PTPN21: variants seen among roughly 807,000 people sequenced by gnomAD.
PTPN21 encodes protein tyrosine phosphatase non-receptor type 21, also known as tyrosine-protein phosphatase non-receptor type 21.
PTPN21 carries 77 observed loss-of-function variants against 131.8 expected under a neutral mutation model. That is an observed-to-expected ratio of 0.58 (90% CI 0.49 to 0.71). The LOEUF (loss-of-function observed/expected upper bound fraction) is 0.71. PTPN21 is among the 30% of genes least tolerant of loss of function. The pLI is 0.00. For missense variants in PTPN21, 1,552 were observed against 1,527.1 expected, an observed-to-expected ratio of 1.02 and a Z score of -0.27; for synonymous variants, 715 against 621.3, an observed-to-expected ratio of 1.15 and a Z score of -2.24.
rs182088913 is a variant in PTPN21, at chr14:88,535,353, C to T, written c.180+14885G>A. Among the ~76,000 whole-genome samples the T allele has an allele frequency of 4.4e-4, 67 of 152,224 alleles. No individual in the cohort carries two copies. In the East Asian group the frequency reaches 9.6e-3, roughly 22 times the overall value. ...AAGTGACACATGGCTGTATTTCCCC[C>T]GGGTGACAATGCCTGAGATTCCAAT... is the stretch of plus-strand genomic sequence containing the variant. On this transcript the variant is annotated intron_variant, in intron 2 of 18. Transcript: ENST00000556564.
At position 88,482,897 on chromosome 14, in the gene PTPN21, GCA is replaced by G. The variant is rs916016098; in HGVS notation, c.1078+2177_1078+2178del. ...GGCGGGTAACCAGCAAGCAGAAGCA[GCA>G]CACAGAGAGTACTCTTATAAGTCAG... On this transcript the variant is annotated intron_variant, in intron 12 of 18. Transcript: ENST00000556564. Among the ~76,000 whole-genome samples the G allele has an allele frequency of 2.6e-5, 4 of 151,686 alleles. No homozygotes were observed. The East Asian group carries it at 5.9e-4, about 23-fold the overall frequency.
intron 15 of PTPN21, among the ~76,000 whole-genome samples, chr14:88,471,011 G>A (rs1031695565): frequency 5.9e-5 from 9 of 152,120 alleles, no homozygotes; most frequent in African/African-American, 2.2e-4. Context: ...CAGAACTACA[G>A]TATCATTCAT....
intron 3 of PTPN21, chr14:88,512,603 A>C (rs1442123466): frequency 6.6e-6 from 1 of 152,242 alleles, no homozygotes; most frequent in East Asian, 1.9e-4. Flanking sequence ...CATTAGATTT[A>C]GAGCAGCACT....
Position 88,472,304 on chromosome 14 carries a change from T to G in PTPN21, c.2811A>C (p.Arg937Ser). 1 of 1,613,954 alleles carries G rather than the reference T, an allele frequency of 6.2e-7. No homozygotes were observed. The highest frequency in any genetic ancestry group is 8.5e-7 in the Non-Finnish European group (1 of 1,179,862). The part of the protein sequence containing the change: ...FQDVLPYDDV[R>S]VELVPTKENN... ...TTTCTTTAGTTGGGACCAACTCCAC[T>G]CTCACATCATCATAAGGAAGAACAT... Residue 937 changes from arginine to serine, a missense_variant, in exon 15 of 19, where the codon AGA (arginine) becomes AGC (serine). By Grantham distance (110) the Arg-to-Ser change is moderately radical. Around this residue, in one of 4 missense-constraint regions of PTPN21, gnomAD observed 316 missense variants for 378.5 expected, o/e 0.83. Coordinates refer to ENST00000556564, the MANE Select transcript of PTPN21 (RefSeq NM_007039.4).
chr14:88,467,078 C>T lies in PTPN21; in HGVS notation c.*1059G>A, dbSNP rs942003311. On this transcript the variant is annotated 3_prime_UTR_variant, in exon 19 of 19. Transcript: ENST00000556564. ...GGGTCCCCTGCTCGCCATCCCAGCA[C>T]CTCAGTCTGAGTATAGATAATACTG... 1 of 152,164 alleles carries T rather than the reference C, an allele frequency of 6.6e-6. No homozygotes were observed. The highest frequency in any genetic ancestry group is 1.5e-5 in the Non-Finnish European group (1 of 68,032). 9.4% of individuals were successfully genotyped at this position (152,164 alleles called of 1,614,324 possible). A position where few individuals can be genotyped will look rare whatever the true frequency, so the allele number is the denominator to read the frequency against.
At chr14:88,485,039 T>C in intron 12 of PTPN21, 37 bp downstream of exon 12, 3 of 1,503,476 alleles carry the variant, frequency 2.0e-6, no homozygotes, top group Non-Finnish European at 1.9e-6. Context: ...TCCATAGTCA[T>C]AACTATGTAA....
At position 88,497,212 on chromosome 14, in the gene PTPN21, T is replaced by C. The variant is rs377218652; in HGVS notation, c.843A>G (p.Gln281=). 53 of 1,605,650 alleles carry C rather than the reference T, an allele frequency of 3.3e-5. No individual in the cohort carries two copies. The highest frequency in any genetic ancestry group is 6.7e-5 in the African/African-American group (5 of 74,822). The part of the protein sequence containing the change: ...LELANKEETI[Q]FQTEDMETAK... The stretch of plus-strand genomic sequence containing the variant: ...CCTAATGTTTACTCACAGTTTGAAA[T>C]TGAATGGTCTCCTCTTTATTTGCCA... Residue 281 remains glutamine (Q), a synonymous_variant, in exon 9 of 19, where the codon CAA becomes CAG. Transcript: ENST00000556564.
chr14:88,530,014 G>C (rs761091687), intron 2 of PTPN21, among the ~76,000 whole-genome samples: 10 of 151,584 alleles, frequency 6.6e-5, no homozygotes, highest in Non-Finnish European at 1.3e-4. Context: ...AAGAATCTTA[G>C]GAGCTGTGAG....
In PTPN21 at chr14:88,479,264, TCTCCTCCTCGAAGTCCTCGTC is replaced by T. The variant is rs1440742850; in HGVS notation, c.2146_2166del (p.Asp716_Glu722del). On this transcript the variant is annotated inframe_deletion, in exon 13 of 19. Transcript: ENST00000556564. Reference sequence around the variant, plus strand: ...CGTGCAGGAGGCGCCCGGGCCCCGCTCTCCTCCTCGAAGTCCTCGTCCTCCTCCTCCTCGCTGCTGTGGATT... The same window carrying T: ...CGTGCAGGAGGCGCCCGGGCCCCGCTCTCCTCCTCCTCGCTGCTGTGGATT... 2.5e-6 allele frequency: 4 copies of T among 1,612,510 alleles called. No individual in the cohort carries two copies. The highest frequency in any genetic ancestry group is 3.4e-6 in the Non-Finnish European group (4 of 1,179,276).
rs2077723597 is a variant in PTPN21, at chr14:88,485,837, G to A, written c.938C>T (p.Thr313Ile). 4 of 1,603,666 alleles carry A rather than the reference G, an allele frequency of 2.5e-6. No homozygotes were observed. The highest frequency in any genetic ancestry group is 3.4e-6 in the Non-Finnish European group (4 of 1,171,330). Residue 313 changes from threonine to isoleucine, a missense_variant, in exon 11 of 19, where the codon ACT (threonine) becomes ATT (isoleucine). By Grantham distance (89) the Thr-to-Ile change is moderately conservative. This residue lies in a region of PTPN21 where 1,016 missense variants were observed against 883.5 expected (regional missense o/e 1.15). Transcript: ENST00000556564. ...GATTGGGTTCACTGTGACAGTCTGAGTTTGCCTATAAAATAGGATGACTCT... is the reference window on the plus strand; with the variant it reads ...GATTGGGTTCACTGTGACAGTCTGAATTTGCCTATAAAATAGGATGACTCT... Reference protein sequence around the residue: ...FYRLNQCNLQTQTVTVNPIRR... With the variant: ...FYRLNQCNLQIQTVTVNPIRR...
At chr14:88,553,350 TTTTG>T (rs2078890267) in intron 1 of PTPN21, among the ~76,000 whole-genome samples, 2 of 152,202 alleles carry the variant, frequency 1.3e-5, no homozygotes, top group East Asian at 1.9e-4. Flanking sequence ...AAAACAATGA[TTTTG>T]TTTAATAATT....
intron 13 of PTPN21, among the ~76,000 whole-genome samples, chr14:88,474,131 C>CAAAAAAAAAAAAAAAAAAAAAAAAAAAA (rs754719071): frequency 2.1e-5 from 1 of 46,686 alleles, no homozygotes; most frequent in Non-Finnish European, 4.1e-5. Context: ...AGCTGAAGTC[C>CAAAAAAAAAAAAAAAAAAAAAAAAAAAA]AAAAAAAAAA....
Position 88,469,604 on chromosome 14 carries a change from G to C in PTPN21, c.3130C>G (p.Leu1044Val), listed in dbSNP as rs772118184. ...TDSGCYATTG[L>V]KMKHLLTGQE... is the part of the protein sequence containing the mutation. ...CCAGTAAGGAGGTGCTTCATCTTCAGGCCTGTGGTGGCATAGCAGCCAGAG... is the reference window on the plus strand; with the variant it reads ...CCAGTAAGGAGGTGCTTCATCTTCACGCCTGTGGTGGCATAGCAGCCAGAG... Residue 1044 changes from leucine (L) to valine (V), a missense_variant, in exon 17 of 19, where the codon CTG becomes GTG. Transcript: ENST00000556564. This position sits in a 1 kb window ranked among gnomAD's most constrained non-coding sequence, Gnocchi z 4.3. 10 of 1,614,104 alleles carry C rather than the reference G, an allele frequency of 6.2e-6. No individual in the cohort carries two copies.
chr14:88,472,640 A>G (rs946033480), intron 14 of PTPN21, among the ~76,000 whole-genome samples, 175 bp from the exon 15 acceptor site: 31 of 152,180 alleles, frequency 2.0e-4, no homozygotes, highest in Non-Finnish European at 3.8e-4. Context: ...GAGGCCAAGG[A>G]GGGAGGATCA....
chr14:88,478,946 T>C lies in PTPN21; in HGVS notation c.2485A>G (p.Ile829Val). The C allele has an allele frequency of 6.6e-7, 1 of 1,516,516 alleles. No homozygotes were observed. The highest frequency in any genetic ancestry group is 8.8e-7 in the Non-Finnish European group (1 of 1,133,112). 93.9% of individuals were successfully genotyped at this position (1,516,516 alleles called of 1,614,324 possible). A position where few individuals can be genotyped will look rare whatever the true frequency, so the allele number is the denominator to read the frequency against. ...CCTAGAGGCGGGAGCCCTTCCACGA[T>C]GTTCTTCTTCCCAGAGAGAAGGTCC... ...VSDLLSGKKN[I>V]VEGLPPLGGM... is the part of the protein sequence containing the mutation. Residue 829 changes from isoleucine to valine, a missense_variant, in exon 13 of 19, where the codon ATC becomes GTC. Physicochemically the swap from Ile to Val is conservative, Grantham distance 29 (BLOSUM62 3). This residue lies in a region of PTPN21 where 1,016 missense variants were observed against 883.5 expected (regional missense o/e 1.15). Transcript: ENST00000556564.
At chr14:88,490,350 A>G (rs1369665145) in intron 10 of PTPN21, among the ~76,000 whole-genome samples, 1 of 151,856 alleles carries the variant, frequency 6.6e-6, no homozygotes, top group Non-Finnish European at 1.5e-5. Context: ...CTTTATCCAT[A>G]TAAGAACCTA....
chr14:88,482,005 A>G (rs74072472), intron 12 of PTPN21, among the ~76,000 whole-genome samples: 5,628 of 152,342 alleles, frequency 0.037, 354 homozygotes, highest in African/African-American at 0.13. Flanking sequence ...AGACTCAGAC[A>G]GGGCAGAGCC....
chr14:88,469,004 G>T lies in PTPN21; in HGVS notation c.3308C>A (p.Pro1103Gln). The T allele has an allele frequency of 1.2e-6, 2 of 1,614,146 alleles. No individual in the cohort carries two copies. The highest frequency in any genetic ancestry group is 1.7e-6 in the Non-Finnish European group (2 of 1,180,026). Residue 1103 changes from proline to glutamine, a missense_variant, in exon 18 of 19, where the codon CCG (proline) becomes CAG (glutamine). Coordinates refer to ENST00000556564, the MANE Select transcript of PTPN21 (RefSeq NM_007039.4). This position sits in a 1 kb window ranked among gnomAD's most constrained non-coding sequence, Gnocchi z 4.3. ...STSDPQSPNPPLLVHCSAGVG... is the reference protein window; with the variant it reads ...STSDPQSPNPQLLVHCSAGVG... Reference sequence around the variant, plus strand: ...CCCAGCACTGCAGTGGACCAACAACGGAGGGTTGGGGCTTTGGGGATCACT... The same window carrying T: ...CCCAGCACTGCAGTGGACCAACAACTGAGGGTTGGGGCTTTGGGGATCACT...
rs1251617493 is a variant in PTPN21, at chr14:88,512,789, A to G, written c.350+4303T>C. ...ATGTAGCTAACAACTACCTTACTGA[A>G]CAGTGCAGACTGGAAGCTTGCTTTG... On this transcript the variant is annotated intron_variant, in intron 3 of 18. Transcript: ENST00000556564. Among the ~76,000 whole-genome samples the G allele has an allele frequency of 2.6e-5, 4 of 152,184 alleles. No individual in the cohort carries two copies. The South Asian group carries it at 6.2e-4, about 24-fold the overall frequency.
Sources: allele counts gnomAD v4.1 joint callset (sites outside exome capture counted in the v4.1 genomes callset), GRCh38; gene constraint gnomAD v4.1.1; regional missense constraint gnomAD v4.1.1; non-coding constraint Gnocchi (gnomAD v3.1); transcripts MANE v1.5; gene names NCBI Gene and HGNC (gene_info 2026-07-23, HGNC 2026-07-21).